NT5E: variants seen among roughly 807,000 people sequenced by gnomAD.
NT5E encodes 5'-nucleotidase ecto.
In NT5E, 53 loss-of-function variants were observed where a neutral mutation model predicts 55.1. The observed-to-expected ratio is 0.96, with a 90% confidence interval of 0.77 to 1.21. The LOEUF (loss-of-function observed/expected upper bound fraction) is 1.21. Ranked by LOEUF, NT5E falls within the 50% of genes most tolerant of loss-of-function variation. The probability of loss-of-function intolerance (pLI) is 0.00; values close to 1 mark genes in which losing one functional copy is unlikely to be tolerated. For missense variants in NT5E, 683 were observed against 724.3 expected (o/e 0.94, Z 0.65); for synonymous variants, 270 against 278.4 (o/e 0.97, Z 0.30).
chr6:85,483,113 T>A (rs1300596023), intron 3 of NT5E, among the ~76,000 whole-genome samples: 5 of 152,336 alleles, frequency 3.3e-5, no homozygotes, highest in African/African-American at 1.2e-4. Context: ...GATTCCTAAC[T>A]TTTACATTCT....
intron 3 of NT5E, among the ~76,000 whole-genome samples, chr6:85,478,561 A>T (rs895308842): frequency 2.0e-5 from 3 of 152,170 alleles, no homozygotes; most frequent in Non-Finnish European, 4.4e-5. Flanking sequence ...AGCCACCACT[A>T]GCTGTCTGAC....
intron 1 of NT5E, among the ~76,000 whole-genome samples, chr6:85,451,414 G>A (rs898267905): frequency 6.6e-6 from 1 of 152,098 alleles, no homozygotes; most frequent in Non-Finnish European, 1.5e-5. Flanking sequence ...TAGGTTAAAG[G>A]TAATGCCTTT....
chr6:85,453,953 A>G (rs1768941333), intron 1 of NT5E, among the ~76,000 whole-genome samples: 1 of 152,164 alleles, frequency 6.6e-6, no homozygotes, highest in African/African-American at 2.4e-5. Flanking sequence ...ATAATGGCAT[A>G]CCCAGTCCTG....
At chr6:85,458,338 C>T (rs1769027064) in intron 1 of NT5E, among the ~76,000 whole-genome samples, 1 of 152,212 alleles carries the variant, frequency 6.6e-6, no homozygotes, top group African/African-American at 2.4e-5. Context: ...CAGCACCACT[C>T]CCATCCTGGG....
At position 85,494,050 on chromosome 6, in the gene NT5E, A is replaced by T; in HGVS notation, c.*46A>T. On this transcript the variant is annotated 3_prime_UTR_variant, in exon 9 of 9. Coordinates refer to ENST00000257770, the MANE Select transcript of NT5E (RefSeq NM_002526.4). ...TAATGTGTGAAACTGCATTTTTTCA[A>T]GTGAGATTCAAATCTGCCTTTTAGG... 2 of 1,595,844 alleles carry T rather than the reference A, an allele frequency of 1.3e-6. No individual in the cohort carries two copies. Among genetic ancestry groups the T allele is most frequent in the Non-Finnish European group, 1.7e-6 (2 of 1,165,304 alleles).
intron 5 of NT5E, 99 bp from the exon 6 acceptor site, chr6:85,489,395 A>G: frequency 2.5e-6 from 2 of 808,974 alleles, no homozygotes; most frequent in South Asian, 1.4e-5. Flanking sequence ...GCAGGTGAAA[A>G]GCAGCTTTAT....
chr6:85,467,309 T>A, intron 2 of NT5E, 27 bp downstream of exon 2: 1 of 1,571,566 alleles, frequency 6.4e-7, no homozygotes, highest in Non-Finnish European at 8.8e-7. Flanking sequence ...TAGCACTCAA[T>A]GCTTGAAAAT....
At chr6:85,455,062 G>T (rs1187452367) in intron 1 of NT5E, among the ~76,000 whole-genome samples, 2 of 152,182 alleles carry the variant, frequency 1.3e-5, no homozygotes, top group East Asian at 3.8e-4. Context: ...AACTCTAAAG[G>T]CCACCTGAGA....
intron 7 of NT5E, chr6:85,491,464 T>C (rs758748728): frequency 3.3e-6 from 1 of 303,342 alleles, no homozygotes; most frequent in South Asian, 3.0e-5. Flanking sequence ...CCTGTCCTAA[T>C]GCCTATGGGG....
At chr6:85,453,184 C>G (rs911498733) in intron 1 of NT5E, among the ~76,000 whole-genome samples, 1 of 152,154 alleles carries the variant, frequency 6.6e-6, no homozygotes, top group Non-Finnish European at 1.5e-5. Flanking sequence ...GGACTGTTGT[C>G]CCCTGAGGCA....
chr6:85,487,219 A>G, intron 4 of NT5E, 116 bp from the exon 5 acceptor site: 1 of 1,019,484 alleles, frequency 9.8e-7, no homozygotes, highest in East Asian at 2.5e-5. Flanking sequence ...ATGCACACAA[A>G]TATGGTAAAC....
intron 1 of NT5E, among the ~76,000 whole-genome samples, chr6:85,460,801 G>A (rs538633355): frequency 1.2e-3 from 177 of 152,312 alleles, no homozygotes; most frequent in Non-Finnish European, 2.1e-3. Context: ...ATGAAAACAC[G>A]TGGTGTGAGA....
chr6:85,462,921 T>C (rs933353463), intron 1 of NT5E, among the ~76,000 whole-genome samples: 1 of 152,254 alleles, frequency 6.6e-6, no homozygotes, highest in African/African-American at 2.4e-5. Flanking sequence ...CCAGGTTTTC[T>C]TGTTTTCATT....
chr6:85,483,022 T>A (rs1323487644), intron 3 of NT5E, among the ~76,000 whole-genome samples: 2 of 152,224 alleles, frequency 1.3e-5, no homozygotes, highest in East Asian at 3.9e-4. Context: ...TCTTTCCAAA[T>A]GAATGAATGT....
chr6:85,481,143 A>C (rs934510831), intron 3 of NT5E, among the ~76,000 whole-genome samples: 2 of 152,256 alleles, frequency 1.3e-5, no homozygotes, highest in Admixed American at 1.3e-4. Flanking sequence ...ACAAACATTT[A>C]TCTAGCACCT....
chr6:85,486,964 G>A, intron 4 of NT5E, among the ~76,000 whole-genome samples: 1 of 152,132 alleles, frequency 6.6e-6, no homozygotes, highest in East Asian at 1.9e-4. Flanking sequence ...ATGGGAAAGG[G>A]GCCCAGGACC....
intron 1 of NT5E, among the ~76,000 whole-genome samples, chr6:85,465,215 G>A (rs975467639): frequency 6.6e-6 from 1 of 152,208 alleles, no homozygotes; most frequent in African/African-American, 2.4e-5. Context: ...TTAGGATGGG[G>A]AGGTGGAGAA....
chr6:85,492,142 AGAT>A lies in NT5E; in HGVS notation c.1530_1532del (p.Met510del), dbSNP rs773159066. 1.1e-4 allele frequency: 181 copies of A among 1,614,184 alleles called. 1 individual carries two copies. The Middle Eastern group carries it at 5.4e-3, about 49-fold the overall frequency. On this transcript the variant is annotated inframe_deletion, in exon 8 of 9. Coordinates refer to ENST00000257770, the MANE Select transcript of NT5E (RefSeq NM_002526.4). The stretch of plus-strand genomic sequence containing the variant: ...CTGGCCAATGGTGGAGATGGGTTCC[AGAT>A]GATAAAAGATGAATTATTAAGACAT...
intron 1 of NT5E, among the ~76,000 whole-genome samples, chr6:85,464,132 C>T (rs1394780986): frequency 7.0e-6 from 1 of 143,206 alleles, no homozygotes; most frequent in Non-Finnish European, 1.5e-5. Context: ...AAATATACAG[C>T]CAAGCACAGA....
Sources: gnomAD v4.1 joint callset for allele counts (sites outside exome capture counted in the v4.1 genomes callset) on GRCh38, gnomAD v4.1.1 for gene constraint, MANE v1.5 for transcripts, NCBI Gene and HGNC (gene_info 2026-07-23, HGNC 2026-07-21) for gene names.